DSTYK: variants seen among roughly 807,000 people sequenced by gnomAD.
The protein encoded by DSTYK is dual serine/threonine and tyrosine protein kinase, also known as RIP-homologous kinase.
A neutral mutation model predicts 98.7 loss-of-function variants in DSTYK; 34 were observed. The observed-to-expected ratio is 0.34, with a 90% confidence interval of 0.26 to 0.46. The LOEUF is 0.46. DSTYK is among the 20% of genes least tolerant of loss of function. The pLI is 1.00. For synonymous variants in DSTYK, 462 were observed against 457.3 expected, an observed-to-expected ratio of 1.01 and a Z score of -0.13; for missense variants, 962 against 1,181.7, an observed-to-expected ratio of 0.81 and a Z score of 2.73.
intron 2 of DSTYK, among the ~76,000 whole-genome samples, chr1:205,176,553 T>C (rs1558613613): frequency 7.6e-6 from 1 of 131,076 alleles, no homozygotes; most frequent in Non-Finnish European, 1.6e-5. Context: ...AACACCAGAA[T>C]ATACTTCTTT....
intron 10 of DSTYK, among the ~76,000 whole-genome samples, chr1:205,152,428 C>T (rs1009838079): frequency 6.6e-6 from 1 of 152,302 alleles, no homozygotes; most frequent in Non-Finnish European, 1.5e-5. Flanking sequence ...CAACCTGCCT[C>T]GGCCTCCCAA....
intron 1 of DSTYK, among the ~76,000 whole-genome samples, chr1:205,205,277 T>A (rs1659165405): frequency 6.6e-6 from 1 of 151,838 alleles, no homozygotes; most frequent in Admixed American, 6.6e-5. Flanking sequence ...TCCCAGCTTC[T>A]CCCCACCCCT....
At chr1:205,199,786 T>TA (rs1658972444) in intron 1 of DSTYK, among the ~76,000 whole-genome samples, 1 of 152,190 alleles carries the variant, frequency 6.6e-6, no homozygotes, top group Admixed American at 6.5e-5. Context: ...TATTTTCCTG[T>TA]AAGAAGGAGC....
chr1:205,151,689 C>CTTTTTT (rs1558598348), intron 10 of DSTYK, among the ~76,000 whole-genome samples: 1 of 67,276 alleles, frequency 1.5e-5, no homozygotes, highest in Non-Finnish European at 5.2e-5. Context: ...TGGTTATAGG[C>CTTTTTT]TTTCTTTTTT....
In DSTYK at chr1:205,163,718, T is replaced by C; in HGVS notation, c.1557+5A>G. 1 of 1,609,922 alleles carries C rather than the reference T, an allele frequency of 6.2e-7. No homozygotes were observed. The highest frequency in any genetic ancestry group is 8.5e-7 in the Non-Finnish European group (1 of 1,176,918). ...ACGATGTCTTAAAAATCATTCTTTG[T>C]CTACCTGTTTGAGATAATTACTGGT... On this transcript the variant is annotated splice_donor_5th_base_variant and intron_variant, in intron 4 of 12. Coordinates refer to ENST00000367162, the MANE Select transcript of DSTYK (RefSeq NM_015375.3).
At chr1:205,191,007 C>T (rs1008686186) in intron 1 of DSTYK, among the ~76,000 whole-genome samples, 8 of 152,186 alleles carry the variant, frequency 5.3e-5, no homozygotes, top group Admixed American at 3.3e-4. Context: ...ATGAAACAGG[C>T]TGCATCAGCC....
intron 1 of DSTYK, among the ~76,000 whole-genome samples, chr1:205,190,921 G>A (rs573878485): frequency 1.3e-5 from 2 of 152,232 alleles, no homozygotes; most frequent in Admixed American, 6.5e-5. Flanking sequence ...GAAGAAAACC[G>A]ACTAAATCAC....
chr1:205,189,015 T>C (rs773286327), intron 1 of DSTYK, among the ~76,000 whole-genome samples: 8 of 152,198 alleles, frequency 5.3e-5, no homozygotes, highest in Non-Finnish European at 1.0e-4. Context: ...ATTTGACCAT[T>C]ACCACATTGT....
At chr1:205,164,530 C>T (rs898241473) in intron 3 of DSTYK, among the ~76,000 whole-genome samples, 1 of 149,912 alleles carries the variant, frequency 6.7e-6, no homozygotes, top group African/African-American at 2.4e-5. Context: ...GATGCAATCT[C>T]GGCTCACTGC....
At position 205,142,924 on chromosome 1, in the gene DSTYK, A is replaced by C. The variant is rs536724311; in HGVS notation, c.*4634T>G. On this transcript the variant is annotated 3_prime_UTR_variant, in exon 13 of 13. Coordinates refer to ENST00000367162, the MANE Select transcript of DSTYK (RefSeq NM_015375.3). Reference sequence around the variant, plus strand: ...TGGGCAAGGTGGCCTCCCCAGTGCTAGATGTCCTGATGCACCTCTGAGATC... The same window carrying C: ...TGGGCAAGGTGGCCTCCCCAGTGCTCGATGTCCTGATGCACCTCTGAGATC... 1 of 152,316 alleles carries C rather than the reference A, an allele frequency of 6.6e-6. No individual in the cohort carries two copies. The highest frequency in any genetic ancestry group is 6.5e-5 in the Admixed American group (1 of 15,294). 9.4% of individuals were successfully genotyped at this position (152,316 alleles called of 1,614,324 possible).
chr1:205,180,456 T>C (rs1658363856), intron 2 of DSTYK, among the ~76,000 whole-genome samples: 1 of 152,182 alleles, frequency 6.6e-6, no homozygotes, highest in Non-Finnish European at 1.5e-5. Flanking sequence ...TTCTTTTTTA[T>C]GGCCACACAG....
intron 3 of DSTYK, among the ~76,000 whole-genome samples, chr1:205,167,197 A>G (rs781762500): frequency 6.6e-6 from 1 of 152,070 alleles, no homozygotes; most frequent in Non-Finnish European, 1.5e-5. Flanking sequence ...CAGGAGTTCA[A>G]GACCAGCTTG....
intron 1 of DSTYK, among the ~76,000 whole-genome samples, chr1:205,192,366 C>T (rs1035612288): frequency 2.6e-5 from 4 of 151,634 alleles, no homozygotes; most frequent in South Asian, 2.1e-4. Flanking sequence ...CAACCCCCGC[C>T]GTGCCTTTGT....
intron 10 of DSTYK, among the ~76,000 whole-genome samples, chr1:205,152,031 ATAT>A (rs894668342): frequency 1.1e-4 from 16 of 152,176 alleles, no homozygotes; most frequent in Admixed American, 4.6e-4. Context: ...TTATTATCAA[ATAT>A]TATATACTGT....
rs1263014508 is a variant in DSTYK, at chr1:205,147,409, A to T, written c.*149T>A. 1.3e-6 allele frequency: 1 copy of T among 791,666 alleles called. No homozygotes were observed. Among genetic ancestry groups the T allele is most frequent in the East Asian group, 2.5e-5 (1 of 39,622 alleles). 49.0% of individuals were successfully genotyped at this position (791,666 alleles called of 1,614,324 possible). ...TTCAACTCTTCACTGTCCAGGAGTCATCCCTGCCTGGGAAGGTTCCAAGTT... is the reference window on the plus strand; with the variant it reads ...TTCAACTCTTCACTGTCCAGGAGTCTTCCCTGCCTGGGAAGGTTCCAAGTT... On this transcript the variant is annotated 3_prime_UTR_variant, in exon 13 of 13. Transcript: ENST00000367162.
intron 1 of DSTYK, among the ~76,000 whole-genome samples, chr1:205,207,204 G>A (rs1446879868): frequency 5.3e-5 from 8 of 150,604 alleles, no homozygotes; most frequent in Non-Finnish European, 8.9e-5. Context: ...TCAGCCTCCC[G>A]AGTAGCTGGG....
chr1:205,167,854 C>T (rs1057091263), intron 3 of DSTYK, among the ~76,000 whole-genome samples: 1 of 152,174 alleles, frequency 6.6e-6, no homozygotes, highest in Non-Finnish European at 1.5e-5. Flanking sequence ...TGGTGGCTCA[C>T]GCCACCCAGC....
chr1:205,155,175 G>T (rs1657521722), intron 10 of DSTYK, among the ~76,000 whole-genome samples: 1 of 151,278 alleles, frequency 6.6e-6, no homozygotes, highest in African/African-American at 2.4e-5. Context: ...GTAGAGACAG[G>T]GTTTCACCAT....
intron 3 of DSTYK, among the ~76,000 whole-genome samples, chr1:205,167,317 T>C (rs1435594974): frequency 6.6e-6 from 1 of 152,160 alleles, no homozygotes; most frequent in African/African-American, 2.4e-5. Context: ...GGAGGATTGC[T>C]TGAGCCCAGG....
Sources: allele counts gnomAD v4.1 joint callset (sites outside exome capture counted in the v4.1 genomes callset), GRCh38; gene constraint gnomAD v4.1.1; transcripts MANE v1.5; gene names NCBI Gene and HGNC (gene_info 2026-07-23, HGNC 2026-07-21).